The following MAST4 variants were observed in gnomAD, a reference collection of about 807,000 sequenced individuals.
The protein encoded by MAST4 is microtubule-associated serine/threonine-protein kinase 4.
In MAST4, 89 loss-of-function variants were observed where a neutral mutation model predicts 162.7. The observed-to-expected ratio is 0.55, with a 90% CI of 0.46 to 0.65. The LOEUF is 0.65. Ranked by LOEUF, MAST4 falls within the 30% of genes least tolerant of loss-of-function variation. The pLI is 0.00. For synonymous variants in MAST4, 1,479 were observed against 1,361.1 expected (o/e 1.09, Z -1.91); for missense variants, 3,153 against 3,374.0 (o/e 0.93, Z 1.62).
chr5:67,113,313 CAAAAAAAAAAAAA>C (rs34018550), intron 11 of MAST4, among the ~76,000 whole-genome samples: 5 of 67,382 alleles, frequency 7.4e-5, no homozygotes, highest in African/African-American at 1.9e-4. Context: ...GACTCCGTCT[CAAAAAAAAAAAAA>C]AAAAAAAAAA....
intron 3 of MAST4, among the ~76,000 whole-genome samples, chr5:66,888,337 T>G (rs1762170780): frequency 6.6e-6 from 1 of 152,190 alleles, no homozygotes; most frequent in African/African-American, 2.4e-5. Context: ...GAAAGTAGAC[T>G]TGTGGGTATT....
intron 3 of MAST4, among the ~76,000 whole-genome samples, chr5:66,850,690 C>G (rs115532663): frequency 0.016 from 2,457 of 152,214 alleles, 92 homozygotes; most frequent in African/African-American, 0.056. Context: ...TGGGTCTTTT[C>G]CCCAAGGTGT....
intron 4 of MAST4, among the ~76,000 whole-genome samples, chr5:66,900,250 A>C (rs566910296): frequency 1.2e-4 from 18 of 152,088 alleles, no homozygotes; most frequent in Non-Finnish European, 2.1e-4. Flanking sequence ...TTAAGCAAAA[A>C]CATTATTTGG....
At chr5:66,997,980 T>C (rs1380916506) in intron 4 of MAST4, among the ~76,000 whole-genome samples, 1 of 152,278 alleles carries the variant, frequency 6.6e-6, no homozygotes, top group Non-Finnish European at 1.5e-5. Flanking sequence ...ATGTGATTTC[T>C]ACCTCTGTAT....
intron 4 of MAST4, among the ~76,000 whole-genome samples, chr5:67,005,545 T>G (rs904130852): frequency 1.3e-5 from 2 of 152,204 alleles, no homozygotes. Flanking sequence ...GGTTAGCTAT[T>G]TCATACTATC....
At chr5:66,889,609 G>C (rs911075992) in intron 3 of MAST4, among the ~76,000 whole-genome samples, 2 of 152,220 alleles carry the variant, frequency 1.3e-5, no homozygotes, top group Non-Finnish European at 2.9e-5. Flanking sequence ...TAGAGGTGGA[G>C]AAGATGTGTG....
chr5:66,630,641 C>A (rs750855844), intron 1 of MAST4, among the ~76,000 whole-genome samples: 1 of 152,230 alleles, frequency 6.6e-6, no homozygotes, highest in Middle Eastern at 3.4e-3. Context: ...TTCCACCTGG[C>A]AAATCTCATT....
intron 4 of MAST4, among the ~76,000 whole-genome samples, chr5:66,949,256 A>C (rs907905760): frequency 2.0e-5 from 3 of 152,116 alleles, no homozygotes; most frequent in Admixed American, 1.3e-4. Context: ...GATGTTGGGC[A>C]ATGATATGGT....
At chr5:66,811,223 A>G (rs1490711048) in intron 3 of MAST4, among the ~76,000 whole-genome samples, 2 of 152,182 alleles carry the variant, frequency 1.3e-5, no homozygotes, top group Non-Finnish European at 2.9e-5. Context: ...CTGCTGAGGA[A>G]TCCTAGGCTG....
At chr5:66,845,767 C>A (rs1758812207) in intron 3 of MAST4, among the ~76,000 whole-genome samples, 1 of 152,080 alleles carries the variant, frequency 6.6e-6, no homozygotes. Context: ...ACATCCTCTC[C>A]AGCACCTGTT....
At chr5:66,817,405 A>T (rs1756784004) in intron 3 of MAST4, among the ~76,000 whole-genome samples, 1 of 152,190 alleles carries the variant, frequency 6.6e-6, no homozygotes, top group Admixed American at 6.5e-5. Flanking sequence ...ATTAAAGAAG[A>T]ATATGTTCTG....
chr5:66,684,990 G>T (rs753479858), intron 1 of MAST4, among the ~76,000 whole-genome samples: 1 of 152,162 alleles, frequency 6.6e-6, no homozygotes, highest in South Asian at 2.1e-4. Flanking sequence ...GGCCAGGTGG[G>T]GTGGCTCATG....
chr5:67,116,549 C>G (rs1766941753), intron 12 of MAST4, among the ~76,000 whole-genome samples: 1 of 151,802 alleles, frequency 6.6e-6, no homozygotes, highest in Admixed American at 6.6e-5. Context: ...TGAAATATGA[C>G]TTCTCCAGGT....
At chr5:67,154,563 G>A (rs1281372079) in intron 26 of MAST4, among the ~76,000 whole-genome samples, 3 of 152,176 alleles carry the variant, frequency 2.0e-5, no homozygotes, top group Non-Finnish European at 4.4e-5. Context: ...TCTCTTAGCA[G>A]ACTCAGATGA....
intron 4 of MAST4, among the ~76,000 whole-genome samples, chr5:67,053,399 A>T (rs1199269160): frequency 1.3e-5 from 2 of 152,210 alleles, no homozygotes; most frequent in Non-Finnish European, 2.9e-5. Flanking sequence ...TGCACTAAGA[A>T]GGCATTGCAA....
At chr5:67,060,938 A>G (rs1759497329) in intron 5 of MAST4, among the ~76,000 whole-genome samples, 1 of 152,214 alleles carries the variant, frequency 6.6e-6, no homozygotes, top group East Asian at 1.9e-4. Context: ...GTTTCGTTTT[A>G]AAATTTTAAG....
At chr5:67,114,961 G>T (rs755267700) in intron 12 of MAST4, 5 of 148,962 alleles carry the variant, frequency 3.4e-5, no homozygotes, top group African/African-American at 1.0e-4. Flanking sequence ...CAGAAGAATC[G>T]CTTGAACCCA....
intron 1 of MAST4, among the ~76,000 whole-genome samples, chr5:66,636,520 T>A (rs1745132218): frequency 6.6e-6 from 1 of 152,126 alleles, no homozygotes; most frequent in South Asian, 2.1e-4. Flanking sequence ...GTTAGCACAA[T>A]GAGATATGAG....
chr5:66,597,440 G>A (rs182719037), intron 1 of MAST4, among the ~76,000 whole-genome samples: 57 of 152,280 alleles, frequency 3.7e-4, no homozygotes, highest in African/African-American at 1.2e-3. Flanking sequence ...TGGTGCCTTG[G>A]GGGTAAGAGG....
Sources: allele counts gnomAD v4.1 joint callset (sites outside exome capture counted in the v4.1 genomes callset), GRCh38; gene constraint gnomAD v4.1.1; transcripts MANE v1.5; gene names NCBI Gene and HGNC (gene_info 2026-07-23, HGNC 2026-07-21).